Variants in CDH13 observed in about 807,000 individuals in gnomAD.
CDH13 encodes the protein cadherin-13.
CDH13 carries 24 observed loss-of-function variants against 63.8 expected under a neutral mutation model. The ratio of observed to expected loss-of-function variants is 0.38; its 90% confidence interval spans 0.27 to 0.53. The LOEUF (loss-of-function observed/expected upper bound fraction) is 0.53. Among genes scored for constraint, CDH13 ranks in the 20% least tolerant of loss-of-function variants. The pLI, the probability that CDH13 is intolerant of heterozygous loss-of-function variation, is 0.85. For missense variants in CDH13, 1,049 were observed against 903.1 expected (o/e 1.16, Z -2.07); for synonymous variants, 503 against 355.3 (o/e 1.42, Z -4.67).
intron 8 of CDH13, among the ~76,000 whole-genome samples, chr16:83,653,315 C>G (rs545088082): frequency 6.6e-6 from 1 of 152,056 alleles, no homozygotes; most frequent in African/African-American, 2.4e-5. Flanking sequence ...TGAATCATAG[C>G]GCAATAAAAC....
intron 5 of CDH13, among the ~76,000 whole-genome samples, chr16:83,220,868 C>G (rs2039680130): frequency 6.6e-6 from 1 of 152,166 alleles, no homozygotes; most frequent in African/African-American, 2.4e-5. Flanking sequence ...ATACATTTGT[C>G]CTTGGGCCCC....
intron 5 of CDH13, among the ~76,000 whole-genome samples, chr16:83,280,195 A>T (rs2089125564): frequency 6.6e-6 from 1 of 152,248 alleles, no homozygotes. Flanking sequence ...TACCTACTGC[A>T]GAACTTGTTC....
intron 3 of CDH13, among the ~76,000 whole-genome samples, chr16:83,080,079 A>G (rs1281627745): frequency 6.6e-6 from 1 of 152,210 alleles, no homozygotes. Flanking sequence ...TAGGATCCCG[A>G]CAGCAATCTT....
chr16:83,445,698 G>A (rs910726249), intron 6 of CDH13, among the ~76,000 whole-genome samples: 5 of 152,046 alleles, frequency 3.3e-5, no homozygotes, highest in Admixed American at 3.3e-4. Flanking sequence ...TTTTCATCAC[G>A]TGGCTAAGTA....
chr16:83,547,481 T>G (rs1460599743), intron 7 of CDH13, among the ~76,000 whole-genome samples: 1 of 152,154 alleles, frequency 6.6e-6, no homozygotes, highest in Admixed American at 6.5e-5. Context: ...GGCCCTAGTG[T>G]GTGTTGTTCC....
intron 10 of CDH13, among the ~76,000 whole-genome samples, chr16:83,742,090 T>C (rs1286779114): frequency 4.6e-5 from 7 of 152,216 alleles, no homozygotes; most frequent in Non-Finnish European, 1.0e-4. Context: ...GTCAAACCTT[T>C]GATCTCTTTC....
intron 4 of CDH13, among the ~76,000 whole-genome samples, chr16:83,200,251 C>G (rs887237377): frequency 6.6e-6 from 1 of 152,122 alleles, no homozygotes; most frequent in East Asian, 1.9e-4. Context: ...AGCTTAGCAC[C>G]GTCGGCCAAG....
Position 83,215,063 on chromosome 16 carries a change from T to TC in CDH13, c.484-2281dup, listed in dbSNP as rs568528662. Among the ~76,000 whole-genome samples the TC allele has an allele frequency of 4.7e-3, 577 of 121,722 alleles. 5 individuals are homozygous for TC. The highest frequency in any genetic ancestry group is 0.016 in the African/African-American group (544 of 33,920). The allele number at this position is 121,722 out of a possible 152,430, so 79.9% of individuals were successfully genotyped here. ...TGAAAATTATTTTCATCAGAGAGTATCAAACACCTCTTTTTTTTTTTTTTT... is the reference window on the plus strand; with the variant it reads ...TGAAAATTATTTTCATCAGAGAGTATCCAAACACCTCTTTTTTTTTTTTTTT... On this transcript the variant is annotated intron_variant, in intron 4 of 13. Transcript: ENST00000567109.
intron 1 of CDH13, among the ~76,000 whole-genome samples, chr16:82,730,498 G>A (rs1038676200): frequency 2.4e-4 from 37 of 152,170 alleles, no homozygotes; most frequent in Non-Finnish European, 7.4e-5. Flanking sequence ...CTTCTTGTAT[G>A]GGCATGGTTT....
chr16:83,147,792 CA>C (rs1489119716), intron 4 of CDH13, among the ~76,000 whole-genome samples: 1 of 152,128 alleles, frequency 6.6e-6, no homozygotes, highest in African/African-American at 2.4e-5. Flanking sequence ...TCTGGGGTCA[CA>C]GGGGGCAAAG....
At chr16:82,663,609 CA>C (rs1316657845) in intron 1 of CDH13, among the ~76,000 whole-genome samples, 1 of 152,198 alleles carries the variant, frequency 6.6e-6, no homozygotes, top group East Asian at 1.9e-4. Context: ...CTAAAAAGTT[CA>C]AAAGCATCTT....
In CDH13 at chr16:83,014,768, ATATATATG is replaced by A. The variant is rs1256646801; in HGVS notation, c.158-17234_158-17227del. ...AATATATATATATATATATATATATATATATATGTATATATATATATTTGTATATATAT... is the reference window on the plus strand; with the variant it reads ...AATATATATATATATATATATATATATATATATATATATTTGTATATATAT... On this transcript the variant is annotated intron_variant, in intron 2 of 13. Coordinates refer to ENST00000567109, the MANE Select transcript of CDH13 (RefSeq NM_001257.5). Among the ~76,000 whole-genome samples, 17 of 44,868 alleles carry A rather than the reference ATATATATG, an allele frequency of 3.8e-4. 4 individuals are homozygous for A. Among genetic ancestry groups the A allele is most frequent in the Admixed American group, 9.5e-4 (3 of 3,142 alleles). 29.4% of individuals were successfully genotyped at this position (44,868 alleles called of 152,430 possible). A position where few individuals can be genotyped will look rare whatever the true frequency, so the allele number is the denominator to read the frequency against.
chr16:83,136,155 C>A (rs12598141), intron 4 of CDH13, among the ~76,000 whole-genome samples: 9,546 of 150,042 alleles, frequency 0.064, 376 homozygotes, highest in African/African-American at 0.11. Flanking sequence ...CCACCTGTAC[C>A]CCAACAACCT....
intron 2 of CDH13, chr16:82,954,590 C>T (rs1905781188): frequency 6.6e-6 from 1 of 152,040 alleles, no homozygotes; most frequent in Non-Finnish European, 1.5e-5. Context: ...CAAATGAGCC[C>T]TTGTTCTTAG....
intron 4 of CDH13, chr16:83,181,117 T>C (rs2038336741): frequency 9.5e-7 from 1 of 1,056,258 alleles, no homozygotes; most frequent in South Asian, 1.7e-5. Flanking sequence ...TATTGGGTAT[T>C]TGGGATAGAA....
intron 1 of CDH13, among the ~76,000 whole-genome samples, chr16:82,795,871 A>T (rs12051198): frequency 0.44 from 66,981 of 151,572 alleles, 15,580 homozygotes; most frequent in East Asian, 0.55. Flanking sequence ...CATCTCTCAT[A>T]GGCATTGTGG....
chr16:83,006,920 G>GTTTTT lies in CDH13; in HGVS notation c.158-25087_158-25086insTTTTT, dbSNP rs1388258642. Among the ~76,000 whole-genome samples the GTTTTT allele has an allele frequency of 1.5e-3, 183 of 125,612 alleles. 5 individuals carry two copies. Among genetic ancestry groups the GTTTTT allele is most frequent in the Middle Eastern group, 0.013 (3 of 230 alleles). The allele number at this position is 125,612 out of a possible 152,430, so 82.4% of individuals were successfully genotyped here. On this transcript the variant is annotated intron_variant, in intron 2 of 13. Coordinates refer to ENST00000567109, the MANE Select transcript of CDH13 (RefSeq NM_001257.5). ...TTTGATTTTTTTTGTTTGTTTGTTT[G>GTTTTT]TTTGTTTGTTTGTTTTTTTTGAGAC...
chr16:83,494,811 AT>A (rs1489601502), intron 7 of CDH13, among the ~76,000 whole-genome samples: 3 of 152,184 alleles, frequency 2.0e-5, no homozygotes, highest in Non-Finnish European at 4.4e-5. Flanking sequence ...GAGGTATCTC[AT>A]TTGCTGTGCC....
chr16:83,430,598 C>T (rs2072067844), intron 6 of CDH13, among the ~76,000 whole-genome samples: 1 of 152,122 alleles, frequency 6.6e-6, no homozygotes, highest in East Asian at 1.9e-4. Flanking sequence ...TTCCAAGTCT[C>T]TGCTTGAGCA....
Sources: allele counts gnomAD v4.1 joint callset (sites outside exome capture counted in the v4.1 genomes callset), GRCh38; gene constraint gnomAD v4.1.1; transcripts MANE v1.5; gene names NCBI Gene and HGNC (gene_info 2026-07-23, HGNC 2026-07-21).